Variants in LYSET observed in about 807,000 individuals in gnomAD.
LYSET encodes the protein lysosomal enzyme trafficking factor.
the LYSET span, among the ~76,000 whole-genome samples, chr14:93,185,743 TTGTG>T: frequency 6.6e-6 from 1 of 152,192 alleles, no homozygotes; most frequent in Middle Eastern, 3.2e-3. Context: ...TTTTGTTTTT[TTGTG>T]TGTGTTGTTT....
the LYSET span, chr14:93,186,305 G>T: frequency 6.2e-7 from 1 of 1,614,132 alleles, no homozygotes; most frequent in Non-Finnish European, 8.5e-7. Context: ...GGATGGGATG[G>T]ATTGGAGTGG....
chr14:93,186,295 G>A, the LYSET span: 1 of 1,613,774 alleles, frequency 6.2e-7, no homozygotes, highest in Non-Finnish European at 8.5e-7. Flanking sequence ...TTCCGTCAGC[G>A]GATGGGATGG....
the LYSET span, chr14:93,185,236 C>T: frequency 2.3e-6 from 1 of 440,782 alleles, no homozygotes; most frequent in South Asian, 4.2e-5. Context: ...CCTGCCGGGT[C>T]AGGTTCTCAG....
At chr14:93,186,445 A>G in the LYSET span, 2 of 1,613,976 alleles carry the variant, frequency 1.2e-6, no homozygotes, top group East Asian at 2.2e-5. Flanking sequence ...ACATGGACAC[A>G]CTCCTTGAAA....
At chr14:93,185,285 C>G in the LYSET span, 1 of 932,444 alleles carries the variant, frequency 1.1e-6, no homozygotes, top group African/African-American at 1.7e-5. Flanking sequence ...CCGGGCCGCG[C>G]GTGACCCGCC....
the LYSET span, chr14:93,185,514 T>G: frequency 6.3e-7 from 1 of 1,590,180 alleles, no homozygotes; most frequent in Non-Finnish European, 8.6e-7. Flanking sequence ...CTGTCTTAAC[T>G]TGGGGGCTTG....
At chr14:93,185,452 T>A in the LYSET span, 1 of 1,613,542 alleles carries the variant, frequency 6.2e-7, no homozygotes, top group South Asian at 1.1e-5. Flanking sequence ...TCTTTAACGC[T>A]TGCCGTGGGA....
the LYSET span, chr14:93,185,417 A>C: frequency 1.2e-6 from 2 of 1,612,862 alleles, no homozygotes; most frequent in South Asian, 1.1e-5. Flanking sequence ...TGCCAAAGCC[A>C]CCCGATTATT....
chr14:93,185,887 TAGAC>T, the LYSET span, among the ~76,000 whole-genome samples: 18 of 144,102 alleles, frequency 1.2e-4, no homozygotes, highest in Non-Finnish European at 2.0e-4. Flanking sequence ...TTTTTTTAAT[TAGAC>T]AGAGTCTCGC....
chr14:93,186,170 A>C, the LYSET span: 7 of 1,314,898 alleles, frequency 5.3e-6, no homozygotes, highest in Non-Finnish European at 7.3e-6. Flanking sequence ...CGCCCGGCCT[A>C]GAATTCTTGG....
At chr14:93,186,515 A>G in the LYSET span, 1 of 1,614,200 alleles carries the variant, frequency 6.2e-7, no homozygotes, top group Non-Finnish European at 8.5e-7. Flanking sequence ...TACCTTACTT[A>G]CAGATGTTTT....
the LYSET span, chr14:93,186,690 C>T: frequency 3.2e-6 from 5 of 1,567,232 alleles, no homozygotes; most frequent in Non-Finnish European, 4.3e-6. Flanking sequence ...ACCGTTTTTT[C>T]CCTACGATTA....
the LYSET span, chr14:93,185,383 A>C: frequency 1.9e-6 from 3 of 1,610,746 alleles, no homozygotes; most frequent in Non-Finnish European, 2.5e-6. Context: ...CAGGGGATTT[A>C]TTTTATGTTG....
chr14:93,185,963 G>C, the LYSET span, among the ~76,000 whole-genome samples: 1 of 151,390 alleles, frequency 6.6e-6, no homozygotes, highest in African/African-American at 2.4e-5. Flanking sequence ...CTGCCTCCTG[G>C]GTTCACGCCA....
the LYSET span, among the ~76,000 whole-genome samples, chr14:93,187,254 AATT>A: frequency 2.6e-5 from 4 of 152,114 alleles, no homozygotes; most frequent in African/African-American, 7.2e-5. Context: ...GTAATGGCTA[AATT>A]ATTATTAATG....
chr14:93,186,687 T>C, the LYSET span: 1 of 1,570,302 alleles, frequency 6.4e-7, no homozygotes, highest in African/African-American at 1.4e-5. Flanking sequence ...GTCACCGTTT[T>C]TTCCCTACGA....
At chr14:93,186,453 A>G in the LYSET span, 1 of 1,614,238 alleles carries the variant, frequency 6.2e-7, no homozygotes, top group South Asian at 1.1e-5. Flanking sequence ...ACACTCCTTG[A>G]AAGCTCAATT....
the LYSET span, chr14:93,186,511 A>C: frequency 6.2e-7 from 1 of 1,614,200 alleles, no homozygotes; most frequent in South Asian, 1.1e-5. Context: ...CTGGTACCTT[A>C]CTTACAGATG....
chr14:93,188,148 G>C, the LYSET span, among the ~76,000 whole-genome samples: 1 of 151,400 alleles, frequency 6.6e-6, no homozygotes, highest in East Asian at 1.9e-4. Context: ...TAGTAGAGAC[G>C]GGGTTTCACC....
Sources: gnomAD v4.1 joint callset for allele counts (sites outside exome capture counted in the v4.1 genomes callset) on GRCh38, gnomAD v4.1.1 for gene constraint, MANE v1.5 for transcripts, NCBI Gene and HGNC (gene_info 2026-07-23, HGNC 2026-07-21) for gene names.